Variants in TEX36 observed in about 807,000 individuals in gnomAD.
The protein encoded by TEX36 is testis-expressed protein 36.
TEX36 carries 12 observed loss-of-function variants against 13.6 expected under a neutral mutation model. The observed-to-expected ratio is 0.88, with a 90% CI of 0.56 to 1.43. TEX36 has a LOEUF of 1.43. TEX36 is among the 40% of genes most tolerant of loss of function. TEX36 has a pLI of 0.00. For missense variants in TEX36, 224 were observed against 228.3 expected (o/e 0.98, Z 0.12); for synonymous variants, 93 against 83.0 (o/e 1.12, Z -0.65).
intron 3 of TEX36, among the ~76,000 whole-genome samples, chr10:125,611,337 C>A (rs1301919669): frequency 6.6e-6 from 1 of 152,160 alleles, no homozygotes; most frequent in Non-Finnish European, 1.5e-5. Flanking sequence ...ATATTCCCAC[C>A]CGTTTCCTGC....
intron 3 of TEX36, among the ~76,000 whole-genome samples, chr10:125,603,979 C>A (rs116582879): frequency 2.0e-5 from 3 of 152,154 alleles, no homozygotes; most frequent in Non-Finnish European, 2.9e-5. Flanking sequence ...GGGCCCATTC[C>A]GGTTCAGTCC....
chr10:125,592,524 G>A (rs1385176594), intron 3 of TEX36, among the ~76,000 whole-genome samples: 1 of 152,106 alleles, frequency 6.6e-6, no homozygotes, highest in Non-Finnish European at 1.5e-5. Flanking sequence ...CAATGCTTCT[G>A]ACACCAGATA....
chr10:125,616,075 G>A (rs905529731), intron 3 of TEX36, among the ~76,000 whole-genome samples: 9 of 152,122 alleles, frequency 5.9e-5, no homozygotes, highest in Non-Finnish European at 1.3e-4. Context: ...TTGCGTAGAG[G>A]TGTTTGTAGT....
downstream of TEX36, among the ~76,000 whole-genome samples, chr10:125,655,072 T>C (rs1846917225): frequency 6.6e-6 from 1 of 152,212 alleles, no homozygotes; most frequent in East Asian, 1.9e-4. Context: ...TTTGGGAATA[T>C]AGGCAGCGAT....
intron 3 of TEX36, among the ~76,000 whole-genome samples, chr10:125,629,966 A>G (rs572503370): frequency 6.6e-6 from 1 of 152,164 alleles, no homozygotes; most frequent in Admixed American, 6.5e-5. Context: ...CTCTTGTGGT[A>G]TGCATCTGTA....
At chr10:125,667,012 C>T (rs533197802) in intron 1 of TEX36, 11 of 1,451,320 alleles carry the variant, frequency 7.6e-6, no homozygotes, top group African/African-American at 1.4e-5. Flanking sequence ...TCAGGTTCTC[C>T]TTCTTCCTGC....
intron 3 of TEX36, among the ~76,000 whole-genome samples, chr10:125,657,633 T>C (rs912277219): frequency 4.0e-5 from 6 of 151,732 alleles, no homozygotes; most frequent in Non-Finnish European, 8.8e-5. Context: ...ATTCACAAAA[T>C]GGAAAGGAGG....
At chr10:125,667,687 C>A in intron 1 of TEX36, 1 of 737,196 alleles carries the variant, frequency 1.4e-6, no homozygotes. Flanking sequence ...GCCCATCATC[C>A]TTCTTCTGGT....
At chr10:125,633,834 G>C (rs1178261889) in intron 3 of TEX36, among the ~76,000 whole-genome samples, 1 of 152,046 alleles carries the variant, frequency 6.6e-6, no homozygotes, top group Admixed American at 6.6e-5. Flanking sequence ...AAATGGACAC[G>C]GTTCTACGTT....
At chr10:125,584,763 GAGACC>G in intron 3 of TEX36, among the ~76,000 whole-genome samples, 1 of 152,228 alleles carries the variant, frequency 6.6e-6, no homozygotes, top group South Asian at 2.1e-4. Flanking sequence ...GCCAAGGGGA[GAGACC>G]TCACCAGAAA....
intron 3 of TEX36, among the ~76,000 whole-genome samples, chr10:125,600,885 C>T (rs1442070387): frequency 6.6e-6 from 1 of 152,190 alleles, no homozygotes; most frequent in Non-Finnish European, 1.5e-5. Context: ...TACCGCGGCC[C>T]ATTTCTATCT....
chr10:125,608,397 A>G (rs939397155), intron 3 of TEX36, among the ~76,000 whole-genome samples: 2 of 152,254 alleles, frequency 1.3e-5, no homozygotes, highest in African/African-American at 4.8e-5. Flanking sequence ...TTACAATTAA[A>G]CAAAAAACTT....
At chr10:125,620,288 C>A (rs1846413980), downstream of TEX36, among the ~76,000 whole-genome samples, 1 of 152,196 alleles carries the variant, frequency 6.6e-6, no homozygotes, top group Non-Finnish European at 1.5e-5. Context: ...TAATAAAAAT[C>A]TTCGCTCATT....
intron 3 of TEX36, among the ~76,000 whole-genome samples, chr10:125,646,485 G>A (rs965469480): frequency 1.3e-5 from 2 of 152,140 alleles, no homozygotes; most frequent in African/African-American, 4.8e-5. Context: ...GGAAAGACTG[G>A]AAATAATTGA....
At chr10:125,660,626 A>G (rs1847019839) in intron 3 of TEX36, among the ~76,000 whole-genome samples, 1 of 152,148 alleles carries the variant, frequency 6.6e-6, no homozygotes, top group South Asian at 2.1e-4. Flanking sequence ...TTACAAGGAA[A>G]TCCTTCCTTA....
intron 3 of TEX36, among the ~76,000 whole-genome samples, chr10:125,590,031 G>A (rs1165211093): frequency 1.3e-5 from 2 of 152,164 alleles, no homozygotes; most frequent in African/African-American, 2.4e-5. Context: ...TGTCTGCAAG[G>A]TGTCTGCAGG....
chr10:125,627,391 G>T (rs1389086704), intron 3 of TEX36, among the ~76,000 whole-genome samples: 2 of 152,108 alleles, frequency 1.3e-5, no homozygotes, highest in Non-Finnish European at 2.9e-5. Flanking sequence ...GCAGTATTCA[G>T]CCAGTAATTT....
chr10:125,599,356 C>T (rs1374566604), intron 3 of TEX36, among the ~76,000 whole-genome samples: 1 of 152,236 alleles, frequency 6.6e-6, no homozygotes. Flanking sequence ...CAGGCCACCA[C>T]ACCTGCCCTG....
intron 3 of TEX36, among the ~76,000 whole-genome samples, chr10:125,591,064 G>T (rs1172729602): frequency 1.3e-5 from 2 of 152,114 alleles, no homozygotes; most frequent in Non-Finnish European, 2.9e-5. Context: ...CAGTGATGAG[G>T]GTGGATCTGA....
Sources: gnomAD v4.1 joint callset for allele counts (sites outside exome capture counted in the v4.1 genomes callset) on GRCh38, gnomAD v4.1.1 for gene constraint, MANE v1.5 for transcripts, NCBI Gene and HGNC (gene_info 2026-07-23, HGNC 2026-07-21) for gene names.